The following HERC3 variants were observed in gnomAD, a reference collection of about 807,000 sequenced individuals.
HERC3 encodes probable E3 ubiquitin-protein ligase HERC3.
In HERC3, 58 loss-of-function variants were observed where a neutral mutation model predicts 129.9. The observed-to-expected ratio is 0.45, with a 90% CI of 0.36 to 0.56. The LOEUF is 0.56. Ranked by LOEUF, HERC3 falls within the 20% of genes least tolerant of loss-of-function variation. The pLI is 0.00. For synonymous variants in HERC3, 430 were observed against 451.0 expected, an observed-to-expected ratio of 0.95 and a Z score of 0.59; for missense variants, 835 against 1,244.2, an observed-to-expected ratio of 0.67 and a Z score of 4.95.
the HERC3 span, among the ~76,000 whole-genome samples, chr4:88,585,291 GC>G: frequency 6.6e-6 from 1 of 152,198 alleles, no homozygotes; most frequent in Non-Finnish European, 1.5e-5. Context: ...TTCAACCACA[GC>G]AGGTTACAAA....
the HERC3 span, among the ~76,000 whole-genome samples, chr4:88,580,016 C>G: frequency 6.6e-6 from 1 of 152,116 alleles, no homozygotes; most frequent in African/African-American, 2.4e-5. Flanking sequence ...CTTCTAGCCT[C>G]CAGAATCTGT....
intron 18 of HERC3, 129 bp from the exon 19 acceptor site, chr4:88,677,835 A>G: frequency 1.4e-6 from 1 of 713,838 alleles, no homozygotes; most frequent in Non-Finnish European, 2.3e-6. Flanking sequence ...AATCTGTGGA[A>G]GTTAAGAGGG....
the HERC3 span, among the ~76,000 whole-genome samples, chr4:88,557,716 A>G: frequency 6.6e-6 from 1 of 152,206 alleles, no homozygotes; most frequent in African/African-American, 2.4e-5. Context: ...GTTGGAGTGT[A>G]CATTAATACA....
chr4:88,614,320 C>T (rs1338519542), intron 3 of HERC3, among the ~76,000 whole-genome samples: 2 of 152,060 alleles, frequency 1.3e-5, no homozygotes, highest in African/African-American at 2.4e-5. Flanking sequence ...TGCTTAGGTA[C>T]TGACAGTTTG....
rs2149275404 is a variant in HERC3, at chr4:88,654,153, T to C, written c.777+20T>C. On this transcript the variant is annotated intron_variant, in intron 7 of 25. Coordinates refer to ENST00000402738, the MANE Select transcript of HERC3 (RefSeq NM_014606.3). Reference sequence around the variant, plus strand: ...ACAAAGGTAAGGAGCTCAGAGTATTTTACTTTGGTGCTGGGGATATGATGG... The same window carrying C: ...ACAAAGGTAAGGAGCTCAGAGTATTCTACTTTGGTGCTGGGGATATGATGG... 6.4e-7 allele frequency: 1 copy of C among 1,553,370 alleles called. No homozygotes were observed.
the HERC3 span, among the ~76,000 whole-genome samples, chr4:88,556,626 A>T: frequency 4.6e-5 from 7 of 152,138 alleles, no homozygotes; most frequent in Non-Finnish European, 1.0e-4. Flanking sequence ...ACTTGCACTC[A>T]GTCCTAATAT....
the HERC3 span, among the ~76,000 whole-genome samples, chr4:88,533,303 G>C: frequency 6.6e-6 from 1 of 152,182 alleles, no homozygotes; most frequent in Non-Finnish European, 1.5e-5. Context: ...CATTGAGGAT[G>C]AGTCTGCGTC....
chr4:88,583,757 C>T, the HERC3 span: 1 of 152,200 alleles, frequency 6.6e-6, no homozygotes, highest in Admixed American at 6.5e-5. Context: ...TATTGGAAAG[C>T]TCTAGCCAGG....
chr4:88,650,213 A>AC (rs1370092588), intron 4 of HERC3, among the ~76,000 whole-genome samples: 1 of 152,174 alleles, frequency 6.6e-6, no homozygotes, highest in Non-Finnish European at 1.5e-5. Flanking sequence ...TGGGAACTGT[A>AC]CTTTATTTAT....
Position 88,672,021 on chromosome 4 carries a change from TG to T in HERC3, c.1911+1770del, listed in dbSNP as rs1731668275. Among the ~76,000 whole-genome samples, 7 of 152,276 alleles carry T rather than the reference TG, an allele frequency of 4.6e-5. No homozygotes were observed. The South Asian group carries it at 1.2e-3, about 27-fold the overall frequency. On this transcript the variant is annotated intron_variant, in intron 16 of 25. Transcript: ENST00000402738. ...ATTATGAGCAGAAAAATAAGCCTGA[TG>T]AATTATTTAGTCCAACTGCTTTGTT...
chr4:88,575,900 C>T, the HERC3 span, among the ~76,000 whole-genome samples: 3 of 152,198 alleles, frequency 2.0e-5, no homozygotes, highest in South Asian at 6.2e-4. Flanking sequence ...CTAGGTGCTG[C>T]GTAGATGGTG....
intron 3 of HERC3, among the ~76,000 whole-genome samples, chr4:88,642,579 C>G (rs1158881913): frequency 2.6e-5 from 4 of 152,202 alleles, no homozygotes; most frequent in African/African-American, 9.6e-5. Context: ...AAGGTGCCAA[C>G]AGATTTGGTG....
chr4:88,666,341 C>T (rs1731046490), intron 12 of HERC3, among the ~76,000 whole-genome samples: 1 of 152,062 alleles, frequency 6.6e-6, no homozygotes, highest in East Asian at 1.9e-4. Context: ...ATAGATAAAA[C>T]ATTTTGTTTT....
intron 23 of HERC3, among the ~76,000 whole-genome samples, chr4:88,698,849 G>A (rs1317756018): frequency 1.5e-4 from 7 of 47,958 alleles, no homozygotes; most frequent in African/African-American, 6.1e-4. Context: ...CCTTCCCCCC[G>A]CCGCACTGTC....
chr4:88,584,850 T>G, the HERC3 span, among the ~76,000 whole-genome samples: 16 of 152,362 alleles, frequency 1.1e-4, no homozygotes, highest in African/African-American at 3.1e-4. Context: ...AGACATATCT[T>G]GAAATGTTAT....
intron 3 of HERC3, among the ~76,000 whole-genome samples, chr4:88,611,730 C>G (rs1369033543): frequency 1.3e-5 from 2 of 152,220 alleles, no homozygotes; most frequent in Non-Finnish European, 2.9e-5. Context: ...CTTTGCAGTA[C>G]TGGCTGTGAA....
chr4:88,635,786 C>G (rs1727314030), intron 3 of HERC3, among the ~76,000 whole-genome samples: 1 of 152,152 alleles, frequency 6.6e-6, no homozygotes. Context: ...GCCCACCAGA[C>G]TAACAGCAGA....
chr4:88,569,149 G>C, the HERC3 span, among the ~76,000 whole-genome samples: 622 of 152,278 alleles, frequency 4.1e-3, 5 homozygotes, highest in African/African-American at 0.014. Flanking sequence ...TGACCACTGG[G>C]ATGGACAATT....
At chr4:88,555,281 CAAA>C in the HERC3 span, among the ~76,000 whole-genome samples, 2 of 110,458 alleles carry the variant, frequency 1.8e-5, no homozygotes, top group Non-Finnish European at 4.1e-5. Flanking sequence ...GACTCCGTCT[CAAA>C]AAAAAAAAAA....
Sources: allele counts gnomAD v4.1 joint callset (sites outside exome capture counted in the v4.1 genomes callset), GRCh38; gene constraint gnomAD v4.1.1; transcripts MANE v1.5; gene names NCBI Gene and HGNC (gene_info 2026-07-23, HGNC 2026-07-21).